The following SLC2A13 variants were observed in gnomAD, a reference collection of about 807,000 sequenced individuals.
SLC2A13 encodes the protein solute carrier family 2 member 13.
Under a neutral mutation model 64.4 loss-of-function variants are expected in SLC2A13, and 32 were observed. The observed-to-expected ratio is 0.50, with a 90% CI of 0.37 to 0.67. The LOEUF (loss-of-function observed/expected upper bound fraction) is 0.67, where lower values mean the gene tolerates loss of function less well. SLC2A13 is among the 30% of genes least tolerant of loss of function. SLC2A13 has a pLI of 0.00. For missense variants in SLC2A13, 743 were observed against 829.2 expected, an observed-to-expected ratio of 0.90 and a Z score of 1.28; for synonymous variants, 338 against 327.1, an observed-to-expected ratio of 1.03 and a Z score of -0.36.
At chr12:40,080,346 G>C (rs931822370) in intron 1 of SLC2A13, among the ~76,000 whole-genome samples, 22 of 152,090 alleles carry the variant, frequency 1.4e-4, no homozygotes, top group Non-Finnish European at 2.8e-4. Context: ...TATGCAACTC[G>C]TCACACTCTG....
chr12:39,767,832 CT>C (rs1215631609), intron 7 of SLC2A13, among the ~76,000 whole-genome samples: 2 of 152,038 alleles, frequency 1.3e-5, no homozygotes, highest in Non-Finnish European at 2.9e-5. Context: ...GGCTTTTCCC[CT>C]TTTTACTTGG....
chr12:40,072,962 G>A (rs983534236), intron 1 of SLC2A13, among the ~76,000 whole-genome samples: 3 of 151,868 alleles, frequency 2.0e-5, no homozygotes, highest in African/African-American at 7.3e-5. Context: ...TGTGGATTTA[G>A]TTGAGCATTT....
intron 4 of SLC2A13, among the ~76,000 whole-genome samples, chr12:39,884,118 A>T (rs1050748002): frequency 2.6e-5 from 4 of 152,148 alleles, no homozygotes; most frequent in Admixed American, 2.6e-4. Context: ...AATTCTGTAA[A>T]CTAAATCTGT....
chr12:39,896,209 T>C (rs1436040935), intron 4 of SLC2A13, among the ~76,000 whole-genome samples: 5 of 148,852 alleles, frequency 3.4e-5, no homozygotes, highest in South Asian at 2.1e-4. Flanking sequence ...TGTATACATG[T>C]ATATACGTAT....
intron 3 of SLC2A13, among the ~76,000 whole-genome samples, chr12:40,009,933 T>TAG (rs1001523439): frequency 1.3e-5 from 2 of 152,220 alleles, no homozygotes; most frequent in African/African-American, 4.8e-5. Flanking sequence ...CCTTATACAT[T>TAG]AGGTTATTTG....
At chr12:39,986,743 G>A (rs1370175921) in intron 3 of SLC2A13, among the ~76,000 whole-genome samples, 1 of 150,700 alleles carries the variant, frequency 6.6e-6, no homozygotes, top group African/African-American at 2.4e-5. Context: ...AAATCAGTCT[G>A]TAGACCACAC....
At chr12:39,761,442 C>G (rs1452948280) in intron 9 of SLC2A13, among the ~76,000 whole-genome samples, 1 of 151,968 alleles carries the variant, frequency 6.6e-6, no homozygotes, top group Non-Finnish European at 1.5e-5. Flanking sequence ...TGTTATCATG[C>G]CCATTAGAAT....
chr12:39,773,490 C>T (rs1940660619), intron 7 of SLC2A13, among the ~76,000 whole-genome samples: 1 of 152,192 alleles, frequency 6.6e-6, no homozygotes, highest in African/African-American at 2.4e-5. Context: ...CCCACCAAAC[C>T]TAGTTCATAC....
chr12:39,992,428 A>G (rs1947152646), intron 3 of SLC2A13, among the ~76,000 whole-genome samples: 2 of 152,226 alleles, frequency 1.3e-5, no homozygotes, highest in Admixed American at 1.3e-4. Context: ...GAGAAAGACA[A>G]TAGCAGGTTG....
At chr12:39,856,117 G>A (rs1471503495) in intron 6 of SLC2A13, among the ~76,000 whole-genome samples, 1 of 152,170 alleles carries the variant, frequency 6.6e-6, no homozygotes, top group Non-Finnish European at 1.5e-5. Context: ...GCAACAAGGT[G>A]TTGCCAAATT....
intron 4 of SLC2A13, among the ~76,000 whole-genome samples, chr12:39,921,194 T>C (rs1349610954): frequency 6.6e-6 from 1 of 152,122 alleles, no homozygotes; most frequent in African/African-American, 2.4e-5. Context: ...AGAATTACAT[T>C]GTGTGCATGA....
At chr12:40,061,512 T>C (rs1948422055) in intron 1 of SLC2A13, among the ~76,000 whole-genome samples, 1 of 152,140 alleles carries the variant, frequency 6.6e-6, no homozygotes, top group South Asian at 2.1e-4. Context: ...TACAAAGTTC[T>C]AAAGGTACAG....
At chr12:39,805,381 G>C (rs890778161) in intron 7 of SLC2A13, among the ~76,000 whole-genome samples, 3 of 152,118 alleles carry the variant, frequency 2.0e-5, no homozygotes, top group African/African-American at 7.2e-5. Flanking sequence ...GGGGTGGCTG[G>C]AGCAGGTGTA....
At chr12:40,089,931 C>T (rs1232117687) in intron 1 of SLC2A13, among the ~76,000 whole-genome samples, 1 of 152,068 alleles carries the variant, frequency 6.6e-6, no homozygotes, top group African/African-American at 2.4e-5. Context: ...TGATTGCACC[C>T]CAGTAGAGAC....
At chr12:40,036,020 C>G (rs964458987) in intron 2 of SLC2A13, among the ~76,000 whole-genome samples, 26 of 151,950 alleles carry the variant, frequency 1.7e-4, no homozygotes, top group African/African-American at 5.1e-4. Context: ...TCCTTTTTTC[C>G]CCCCAAACTC....
In SLC2A13 at chr12:40,105,906, C is replaced by A; in HGVS notation, c.-98G>T. On this transcript the variant is annotated 5_prime_UTR_variant, in exon 1 of 10. Coordinates refer to ENST00000280871, the MANE Select transcript of SLC2A13 (RefSeq NM_052885.4). This position sits in a 1 kb window ranked among gnomAD's most constrained non-coding sequence, Gnocchi z 4.2. ...GAGCCGGCGGGAGCAACCGCCGCTG[C>A]CGCCGCTTTCTTCCTCCCGGCTTCC... The A allele has an allele frequency of 8.0e-7, 1 of 1,253,638 alleles. No homozygotes were observed. The highest frequency in any genetic ancestry group is 1.0e-6 in the Non-Finnish European group (1 of 991,436). The allele number at this position is 1,253,638 out of a possible 1,614,324, so 77.7% of individuals were successfully genotyped here.
intron 4 of SLC2A13, among the ~76,000 whole-genome samples, chr12:39,945,304 T>G (rs1190640944): frequency 3.3e-5 from 5 of 152,192 alleles, no homozygotes; most frequent in Non-Finnish European, 7.4e-5. Context: ...TTCCTTCATC[T>G]TAACTTTGGG....
chr12:39,978,184 G>A (rs927052666), intron 3 of SLC2A13, among the ~76,000 whole-genome samples: 2 of 152,140 alleles, frequency 1.3e-5, no homozygotes, highest in African/African-American at 4.8e-5. Context: ...AAAAATAGAA[G>A]TTTTCTGAGC....
chr12:39,810,875 C>A (rs1168647152), intron 7 of SLC2A13, among the ~76,000 whole-genome samples: 1 of 151,986 alleles, frequency 6.6e-6, no homozygotes, highest in African/African-American at 2.4e-5. Context: ...CTGCGATGTT[C>A]ATCTATAGTT....
Sources: gnomAD v4.1 joint callset for allele counts (sites outside exome capture counted in the v4.1 genomes callset) on GRCh38, gnomAD v4.1.1 for gene constraint, Gnocchi (gnomAD v3.1) non-coding constraint, MANE v1.5 for transcripts, NCBI Gene and HGNC (gene_info 2026-07-23, HGNC 2026-07-21) for gene names.